Variants in TBC1D5 observed in about 807,000 individuals in gnomAD.
The protein encoded by TBC1D5 is TBC1 domain family, member 5.
TBC1D5 carries 75 observed loss-of-function variants against 100.3 expected under a neutral mutation model. The observed-to-expected ratio is 0.75, with a 90% CI of 0.62 to 0.91. TBC1D5 has a LOEUF of 0.91. Ranked by LOEUF, TBC1D5 falls within the 40% of genes least tolerant of loss-of-function variation. TBC1D5 has a pLI of 0.00. For missense variants in TBC1D5, 910 were observed against 942.4 expected, an observed-to-expected ratio of 0.97 and a Z score of 0.45; for synonymous variants, 323 against 325.6, an observed-to-expected ratio of 0.99 and a Z score of 0.09.
intron 17 of TBC1D5, among the ~76,000 whole-genome samples, chr3:17,225,116 C>G (rs1003820922): frequency 6.6e-6 from 1 of 152,008 alleles, no homozygotes; most frequent in African/African-American, 2.4e-5. Flanking sequence ...GGATATTTAA[C>G]CAACAGATCA....
chr3:17,421,765 T>TAAAG (rs2094213095), intron 4 of TBC1D5, among the ~76,000 whole-genome samples: 1 of 152,236 alleles, frequency 6.6e-6, no homozygotes, highest in Non-Finnish European at 1.5e-5. Flanking sequence ...TTAATTACTT[T>TAAAG]GCCTAAGGTT....
intron 1 of TBC1D5, among the ~76,000 whole-genome samples, chr3:17,729,016 T>TAAAAAAAAAAAAAAAA (rs34461809): frequency 3.4e-5 from 1 of 29,604 alleles, no homozygotes; most frequent in African/African-American, 1.1e-4. Context: ...TGAAAATCAG[T>TAAAAAAAAAAAAAAAA]AAAAAAAAAA....
At chr3:17,196,027 T>C (rs1486605852) in intron 18 of TBC1D5, among the ~76,000 whole-genome samples, 2 of 152,162 alleles carry the variant, frequency 1.3e-5, no homozygotes, top group African/African-American at 2.4e-5. Flanking sequence ...ATCTCAATAC[T>C]TGCACAACAC....
intron 3 of TBC1D5, among the ~76,000 whole-genome samples, chr3:17,482,882 G>A (rs189374937): frequency 3.3e-5 from 5 of 152,114 alleles, no homozygotes; most frequent in East Asian, 1.9e-4. Context: ...AACAGAAGAC[G>A]TGCAGTTTGT....
chr3:17,344,168 G>A (rs998394128), intron 13 of TBC1D5, among the ~76,000 whole-genome samples: 2 of 151,958 alleles, frequency 1.3e-5, no homozygotes, highest in East Asian at 1.9e-4. Context: ...TAGAAAACCC[G>A]ATTGTCTCAG....
chr3:17,711,425 C>CA (rs1275559208), intron 1 of TBC1D5, among the ~76,000 whole-genome samples: 1 of 152,126 alleles, frequency 6.6e-6, no homozygotes, highest in African/African-American at 2.4e-5. Context: ...CCAATATCTT[C>CA]AAGCTCCTGG....
At chr3:17,629,665 T>C (rs944580372) in intron 1 of TBC1D5, among the ~76,000 whole-genome samples, 5 of 152,156 alleles carry the variant, frequency 3.3e-5, no homozygotes, top group African/African-American at 4.8e-5. Flanking sequence ...ATGTAAGTAG[T>C]CATATTACAA....
chr3:17,326,872 C>T (rs2086218841), intron 13 of TBC1D5, among the ~76,000 whole-genome samples: 1 of 152,198 alleles, frequency 6.6e-6, no homozygotes. Flanking sequence ...CAGCAATCAA[C>T]CCTCTAGTTG....
intron 2 of TBC1D5, among the ~76,000 whole-genome samples, chr3:17,568,142 A>C (rs1272870734): frequency 6.6e-6 from 1 of 151,578 alleles, no homozygotes; most frequent in Non-Finnish European, 1.5e-5. Context: ...TAGGAGGAAT[A>C]ATATTTTAGA....
intron 17 of TBC1D5, among the ~76,000 whole-genome samples, chr3:17,230,735 A>G (rs912793329): frequency 3.9e-5 from 6 of 152,100 alleles, no homozygotes; most frequent in African/African-American, 1.4e-4. Flanking sequence ...AAAAATCTAA[A>G]ATTCTTTCCT....
At chr3:17,615,085 T>C (rs1400449223) in intron 2 of TBC1D5, among the ~76,000 whole-genome samples, 1 of 152,246 alleles carries the variant, frequency 6.6e-6, no homozygotes, top group Non-Finnish European at 1.5e-5. Context: ...TGAGAGTTTT[T>C]AGCATGAAGG....
intron 3 of TBC1D5, among the ~76,000 whole-genome samples, chr3:17,464,532 G>A (rs7432241): frequency 0.092 from 13,843 of 151,054 alleles, 1,418 homozygotes; most frequent in African/African-American, 0.26. Flanking sequence ...TGATTCCTTC[G>A]TGTTTCAACA....
exon 17 of TBC1D5, chr3:17,238,398 G>A: frequency 6.2e-7 from 1 of 1,613,264 alleles, no homozygotes; most frequent in Non-Finnish European, 8.5e-7. Flanking sequence ...TTATATTCAG[G>A]GGAGCACCTT....
At chr3:17,229,961 C>CA (rs1392587853) in intron 17 of TBC1D5, among the ~76,000 whole-genome samples, 1 of 152,140 alleles carries the variant, frequency 6.6e-6, no homozygotes, top group African/African-American at 2.4e-5. Context: ...AGATGTTCCA[C>CA]AAAAATGCAT....
chr3:17,388,685 C>CAA (rs60539576), intron 8 of TBC1D5, among the ~76,000 whole-genome samples: 2,504 of 107,920 alleles, frequency 0.023, 35 homozygotes, highest in Admixed American at 0.035. Context: ...CCTGCCTTTA[C>CAA]AAAAAAAAAA....
At chr3:17,513,781 C>T (rs781681733) in intron 2 of TBC1D5, among the ~76,000 whole-genome samples, 1 of 152,032 alleles carries the variant, frequency 6.6e-6, no homozygotes, top group Non-Finnish European at 1.5e-5. Context: ...AAGGATGCAG[C>T]GTGAATAAGT....
intron 18 of TBC1D5, among the ~76,000 whole-genome samples, chr3:17,186,731 A>AAAAAAAAAAAAAATT (rs1559372909): frequency 6.8e-6 from 1 of 147,848 alleles, no homozygotes; most frequent in East Asian, 1.9e-4. Flanking sequence ...AAAAAAAAAA[A>AAAAAAAAAAAAAATT]AAAAAAAAAA....
intron 2 of TBC1D5, among the ~76,000 whole-genome samples, chr3:17,608,029 T>C (rs962233794): frequency 6.6e-6 from 1 of 152,182 alleles, no homozygotes; most frequent in Admixed American, 6.5e-5. Flanking sequence ...GGTGACACAT[T>C]AGAAGCACTG....
intron 3 of TBC1D5, among the ~76,000 whole-genome samples, chr3:17,441,703 A>C (rs1233601818): frequency 1.3e-5 from 2 of 152,238 alleles, no homozygotes; most frequent in South Asian, 2.1e-4. Context: ...ATTCTTTCTA[A>C]GATATTCTAA....
Sources: gnomAD v4.1 joint callset for allele counts (sites outside exome capture counted in the v4.1 genomes callset) on GRCh38, gnomAD v4.1.1 for gene constraint, MANE v1.5 for transcripts, NCBI Gene and HGNC (gene_info 2026-07-23, HGNC 2026-07-21) for gene names.